MAST2: variants seen among roughly 807,000 people sequenced by gnomAD.
The protein encoded by MAST2 is microtubule-associated serine/threonine-protein kinase 2.
Under a neutral mutation model 147.4 loss-of-function variants are expected in MAST2, and 70 were observed. The ratio of observed to expected loss-of-function variants is 0.47; its 90% CI spans 0.39 to 0.58. MAST2 has a LOEUF of 0.58. Among genes scored for constraint, MAST2 ranks in the 20% least tolerant of loss-of-function variants. The probability of loss-of-function intolerance (pLI) is 0.00; values close to 1 mark genes in which losing one functional copy is unlikely to be tolerated. For synonymous variants in MAST2, 869 were observed against 896.8 expected, an observed-to-expected ratio of 0.97 and a Z score of 0.55; for missense variants, 2,080 against 2,302.3, an observed-to-expected ratio of 0.90 and a Z score of 1.98.
intron 4 of MAST2, among the ~76,000 whole-genome samples, chr1:45,888,260 AG>A (rs1647178528): frequency 6.6e-6 from 1 of 152,216 alleles, no homozygotes; most frequent in African/African-American, 2.4e-5. Flanking sequence ...TGCTTCCTCA[AG>A]ATAGAAAATT....
At chr1:45,958,004 A>G (rs530034011) in intron 4 of MAST2, among the ~76,000 whole-genome samples, 46 of 152,290 alleles carry the variant, frequency 3.0e-4, no homozygotes, top group South Asian at 2.3e-3. Context: ...GGATATAGGC[A>G]GTTTGCTGAT....
chr1:45,996,488 T>TGGG (rs879371069), intron 5 of MAST2, among the ~76,000 whole-genome samples: 3 of 151,992 alleles, frequency 2.0e-5, no homozygotes, highest in African/African-American at 7.2e-5. Context: ...AGCCAGAAGA[T>TGGG]GGGGAGAGGT....
intron 4 of MAST2, among the ~76,000 whole-genome samples, chr1:45,947,761 A>C (rs572134733): frequency 6.5e-4 from 99 of 152,298 alleles, no homozygotes; most frequent in Non-Finnish European, 1.2e-3. Context: ...CTGTCGCCCA[A>C]GCTGGAGTGT....
intron 6 of MAST2, among the ~76,000 whole-genome samples, chr1:46,001,688 A>T (rs1645280186): frequency 6.6e-6 from 1 of 152,174 alleles, no homozygotes; most frequent in Non-Finnish European, 1.5e-5. Flanking sequence ...CCTGCGGCTC[A>T]CCCCTTACAG....
At chr1:45,811,388 G>A (rs1200997375) in intron 1 of MAST2, among the ~76,000 whole-genome samples, 1 of 139,190 alleles carries the variant, frequency 7.2e-6, no homozygotes, top group Non-Finnish European at 1.5e-5. Context: ...GCCCAGACTC[G>A]AGTGCAGTGG....
chr1:45,812,177 C>A (rs184450773), intron 1 of MAST2, among the ~76,000 whole-genome samples: 1 of 152,134 alleles, frequency 6.6e-6, no homozygotes, highest in East Asian at 1.9e-4. Context: ...GAGAAATCTT[C>A]CGAGTTTTCA....
chr1:45,946,927 G>T (rs1334143942), intron 4 of MAST2, among the ~76,000 whole-genome samples: 1 of 152,076 alleles, frequency 6.6e-6, no homozygotes, highest in Non-Finnish European at 1.5e-5. Context: ...GGTACTTATT[G>T]CTGTCCTCTC....
At position 45,817,408 on chromosome 1, in the gene MAST2, AAGAG is replaced by A. The variant is rs1483867030; in HGVS notation, c.178-7018_178-7015del. Among the ~76,000 whole-genome samples the A allele has an allele frequency of 3.9e-5, 6 of 152,266 alleles. No individual in the cohort carries two copies. In the East Asian group the frequency reaches 1.2e-3, roughly 29 times the overall value. ...TTTCAGTGGAAACCCCTTACAGGCC[AAGAG>A]AGAGAGGCATGACATATTTAAAGTG... On this transcript the variant is annotated intron_variant, in intron 1 of 28. Coordinates refer to ENST00000361297, the MANE Select transcript of MAST2 (RefSeq NM_015112.3).
intron 4 of MAST2, among the ~76,000 whole-genome samples, chr1:45,937,177 C>T (rs61785580): frequency 0.053 from 8,109 of 151,634 alleles, 313 homozygotes; most frequent in Middle Eastern, 0.085. Flanking sequence ...CTCAAGTGAT[C>T]CTTCCACTTC....
chr1:45,946,087 C>T (rs1471819470), intron 4 of MAST2, among the ~76,000 whole-genome samples: 2 of 152,222 alleles, frequency 1.3e-5, no homozygotes, highest in African/African-American at 4.8e-5. Flanking sequence ...CATTAATTCT[C>T]CAAATAATAA....
intron 5 of MAST2, among the ~76,000 whole-genome samples, chr1:45,967,601 CTCA>C (rs1483333328): frequency 6.6e-6 from 1 of 152,122 alleles, no homozygotes; most frequent in African/African-American, 2.4e-5. Flanking sequence ...AGGTCTTCGC[CTCA>C]TCATCTTCAC....
intron 4 of MAST2, among the ~76,000 whole-genome samples, chr1:45,933,248 G>T (rs1474893293): frequency 9.8e-6 from 1 of 101,778 alleles, no homozygotes; most frequent in African/African-American, 3.8e-5. Flanking sequence ...CGGGGGGGTT[G>T]GGGGGGGCAA....
chr1:45,974,978 A>G (rs915096194), intron 5 of MAST2, among the ~76,000 whole-genome samples: 3 of 152,236 alleles, frequency 2.0e-5, no homozygotes, highest in African/African-American at 7.2e-5. Context: ...TGGTTGTTGT[A>G]GTCTGATGAC....
At chr1:45,942,361 T>C (rs1657424685) in intron 4 of MAST2, among the ~76,000 whole-genome samples, 1 of 152,180 alleles carries the variant, frequency 6.6e-6, no homozygotes, top group South Asian at 2.1e-4. Flanking sequence ...AGTTTTTTAG[T>C]TTTCTTCAGT....
rs12077901 is a variant in MAST2 at position 45,976,901 on chromosome 1, G to A, written c.592+17424G>A. ...ATACTAATAGGAAGAGAAGAGTTAG[G>A]GGGAGGAAGACGAACCCAGGATCAA... On this transcript the variant is annotated intron_variant, in intron 5 of 28. Coordinates refer to ENST00000361297, the MANE Select transcript of MAST2 (RefSeq NM_015112.3). Among the ~76,000 whole-genome samples the A allele has an allele frequency of 2.4e-3, 369 of 152,264 alleles. 2 individuals are homozygous for A. Among genetic ancestry groups the A allele is most frequent in the African/African-American group, 7.7e-3 (319 of 41,552 alleles).
At chr1:46,021,398 G>T (rs1646172628) in intron 11 of MAST2, among the ~76,000 whole-genome samples, 2 of 152,232 alleles carry the variant, frequency 1.3e-5, no homozygotes, top group South Asian at 4.1e-4. Context: ...GATTTCCTCA[G>T]TGAGGTCAAA....
At chr1:45,966,100 C>T (rs899556283) in intron 5 of MAST2, among the ~76,000 whole-genome samples, 1 of 152,178 alleles carries the variant, frequency 6.6e-6, no homozygotes, top group Non-Finnish European at 1.5e-5. Flanking sequence ...TCCAGAATGT[C>T]ATATAGTTGG....
chr1:45,910,453 C>A (rs1651501701), intron 4 of MAST2, among the ~76,000 whole-genome samples: 1 of 152,138 alleles, frequency 6.6e-6, no homozygotes, highest in African/African-American at 2.4e-5. Flanking sequence ...CTAGCATTAA[C>A]TGTTCAACCA....
chr1:45,939,980 G>GTTTTTTTTTTTTGTTTTTTTTGTTTTTTT (rs1557937798), intron 4 of MAST2, among the ~76,000 whole-genome samples: 1 of 97,286 alleles, frequency 1.0e-5, no homozygotes, highest in Admixed American at 1.3e-4. Context: ...TTTATTTAGG[G>GTTTTTTTTTTTTGTTTTTTTTGTTTTTTT]TTTTTTTTTT....
Sources: gnomAD v4.1 joint callset for allele counts (sites outside exome capture counted in the v4.1 genomes callset) on GRCh38, gnomAD v4.1.1 for gene constraint, MANE v1.5 for transcripts, NCBI Gene and HGNC (gene_info 2026-07-23, HGNC 2026-07-21) for gene names.